Variants in SLC24A2 observed in about 807,000 individuals in gnomAD.
The protein encoded by SLC24A2 is sodium/potassium/calcium exchanger 2.
SLC24A2 carries 36 observed loss-of-function variants against 62.0 expected under a neutral mutation model. That is an observed-to-expected ratio of 0.58 (90% CI 0.44 to 0.77). The LOEUF (loss-of-function observed/expected upper bound fraction) is 0.77. Ranked by LOEUF, SLC24A2 falls within the 30% of genes least tolerant of loss-of-function variation. The probability of loss-of-function intolerance (pLI) is 0.00; values close to 1 mark genes in which losing one functional copy is unlikely to be tolerated. For missense variants in SLC24A2, 846 were observed against 817.9 expected, an observed-to-expected ratio of 1.03 and a Z score of -0.42; for synonymous variants, 358 against 294.0, an observed-to-expected ratio of 1.22 and a Z score of -2.23.
At chr9:19,721,280 C>T (rs530647389) in intron 2 of SLC24A2, among the ~76,000 whole-genome samples, 1 of 152,128 alleles carries the variant, frequency 6.6e-6, no homozygotes, top group South Asian at 2.1e-4. Flanking sequence ...TCATAGAGAC[C>T]CAGAGCAAAA....
chr9:19,549,699 G>T (rs1834749223), intron 8 of SLC24A2, among the ~76,000 whole-genome samples: 1 of 152,194 alleles, frequency 6.6e-6, no homozygotes, highest in South Asian at 2.1e-4. Context: ...GATGATGGTA[G>T]CCCCAAGATG....
At chr9:19,752,464 G>C (rs769309848) in intron 2 of SLC24A2, among the ~76,000 whole-genome samples, 2 of 150,704 alleles carry the variant, frequency 1.3e-5, no homozygotes, top group Non-Finnish European at 3.0e-5. Context: ...GTCTGTCAAA[G>C]CGATCATCAT....
chr9:19,612,116 GATA>G (rs1276590553), intron 4 of SLC24A2, among the ~76,000 whole-genome samples: 1 of 152,158 alleles, frequency 6.6e-6, no homozygotes, highest in Non-Finnish European at 1.5e-5. Context: ...AATTGAGTGA[GATA>G]ATGTTTGCAA....
intron 5 of SLC24A2, among the ~76,000 whole-genome samples, chr9:19,589,049 A>T (rs1213378079): frequency 6.6e-6 from 1 of 152,212 alleles, no homozygotes; most frequent in Non-Finnish European, 1.5e-5. Context: ...AATTTGACAA[A>T]TATCTTTCAA....
At chr9:19,688,896 T>C (rs1819962941) in intron 2 of SLC24A2, among the ~76,000 whole-genome samples, 2 of 152,138 alleles carry the variant, frequency 1.3e-5, no homozygotes, top group Admixed American at 6.6e-5. Context: ...TAAGCTCAAA[T>C]TGTTATTGAG....
the SLC24A2 span, among the ~76,000 whole-genome samples, chr9:19,848,778 C>T: frequency 6.6e-6 from 1 of 152,190 alleles, no homozygotes; most frequent in African/African-American, 2.4e-5. Flanking sequence ...TAAATGGTTT[C>T]ACACTTCCTT....
chr9:19,850,394 A>T, the SLC24A2 span, among the ~76,000 whole-genome samples: 1 of 152,190 alleles, frequency 6.6e-6, no homozygotes, highest in Non-Finnish European at 1.5e-5. Flanking sequence ...CAAACTTTTT[A>T]AATGTGCAAA....
the SLC24A2 span, among the ~76,000 whole-genome samples, chr9:20,237,792 G>T: frequency 6.6e-6 from 1 of 152,010 alleles, no homozygotes; most frequent in African/African-American, 2.4e-5. Flanking sequence ...TATCTTCATA[G>T]GCAGAGTCCT....
intron 8 of SLC24A2, among the ~76,000 whole-genome samples, chr9:19,542,946 C>G (rs1261022669): frequency 6.6e-6 from 1 of 152,104 alleles, no homozygotes; most frequent in Admixed American, 6.5e-5. Flanking sequence ...TGATGCTGGC[C>G]TTGTAAAATG....
At chr9:19,999,182 C>A in the SLC24A2 span, among the ~76,000 whole-genome samples, 2 of 152,204 alleles carry the variant, frequency 1.3e-5, no homozygotes, top group African/African-American at 4.8e-5. Context: ...AGCAGGGAGC[C>A]ACGGCTTTGC....
the SLC24A2 span, among the ~76,000 whole-genome samples, chr9:20,162,997 A>G: frequency 1.3e-5 from 2 of 152,148 alleles, no homozygotes; most frequent in South Asian, 4.1e-4. Context: ...AATAAGAGCT[A>G]TCTATGACAA....
At chr9:19,885,504 T>C in the SLC24A2 span, among the ~76,000 whole-genome samples, 1 of 152,174 alleles carries the variant, frequency 6.6e-6, no homozygotes, top group Non-Finnish European at 1.5e-5. Context: ...TCTTATCCTC[T>C]CCCCATTTTA....
the SLC24A2 span, among the ~76,000 whole-genome samples, chr9:19,941,249 A>G: frequency 1.3e-5 from 2 of 151,860 alleles, no homozygotes; most frequent in Non-Finnish European, 2.9e-5. Flanking sequence ...AATAAAAAAA[A>G]TCTGAAAATA....
chr9:20,089,663 C>T, the SLC24A2 span, among the ~76,000 whole-genome samples: 6 of 151,918 alleles, frequency 3.9e-5, no homozygotes, highest in African/African-American at 1.5e-4. Context: ...GGGAGAGGCT[C>T]CCAGAGGCAT....
At chr9:19,634,281 CTT>C (rs35884916) in intron 2 of SLC24A2, among the ~76,000 whole-genome samples, 116 of 79,290 alleles carry the variant, frequency 1.5e-3, no homozygotes, top group African/African-American at 5.2e-3. Context: ...ACTGCAGCCT[CTT>C]TTTTTTTTTT....
chr9:19,989,198 G>A, the SLC24A2 span, among the ~76,000 whole-genome samples: 2 of 152,040 alleles, frequency 1.3e-5, no homozygotes, highest in African/African-American at 2.4e-5. Flanking sequence ...TTTATATAAG[G>A]AGAGAATATT....
At chr9:20,260,849 C>CTTTTTTTTTTTT in the SLC24A2 span, among the ~76,000 whole-genome samples, 4 of 90,282 alleles carry the variant, frequency 4.4e-5, no homozygotes, top group South Asian at 1.1e-3. Context: ...ATCATTCTTT[C>CTTTTTTTTTTTT]TTTTTTTTTT....
intron 7 of SLC24A2, among the ~76,000 whole-genome samples, chr9:19,553,552 T>G (rs139456831): frequency 6.6e-6 from 1 of 152,198 alleles, no homozygotes; most frequent in African/African-American, 2.4e-5. Flanking sequence ...CAAAAACATA[T>G]GACTTTAAGT....
intron 2 of SLC24A2, among the ~76,000 whole-genome samples, chr9:19,729,364 T>C (rs761040144): frequency 3.3e-5 from 5 of 152,158 alleles, no homozygotes; most frequent in Non-Finnish European, 7.4e-5. Context: ...AATCCCACTA[T>C]TGGGCATTTA....
Sources: allele counts gnomAD v4.1 joint callset (sites outside exome capture counted in the v4.1 genomes callset), GRCh38; gene constraint gnomAD v4.1.1; transcripts MANE v1.5; gene names NCBI Gene and HGNC (gene_info 2026-07-23, HGNC 2026-07-21).